The following NAALADL2 variants were observed in gnomAD, a reference collection of about 807,000 sequenced individuals.
The protein encoded by NAALADL2 is inactive N-acetylated-alpha-linked acidic dipeptidase-like protein 2.
A neutral mutation model predicts 87.2 loss-of-function variants in NAALADL2; 76 were observed. That is an observed-to-expected ratio of 0.87 (90% CI 0.72 to 1.05). The LOEUF (loss-of-function observed/expected upper bound fraction) is 1.05. Among genes scored for constraint, NAALADL2 ranks in the 50% least tolerant of loss-of-function variants. The pLI, the probability that NAALADL2 is intolerant of heterozygous loss-of-function variation, is 0.00. For synonymous variants in NAALADL2, 354 were observed against 331.0 expected (o/e 1.07, Z -0.75); for missense variants, 1,089 against 945.8 (o/e 1.15, Z -1.99).
chr3:174,460,671 T>C (rs542802938), intron 1 of NAALADL2, among the ~76,000 whole-genome samples: 9 of 152,158 alleles, frequency 5.9e-5, no homozygotes, highest in South Asian at 2.1e-4. Flanking sequence ...ACAGCTTAAG[T>C]ATTATTTTAA....
At chr3:174,966,095 A>G (rs1199961625) in intron 1 of NAALADL2, among the ~76,000 whole-genome samples, 3 of 152,154 alleles carry the variant, frequency 2.0e-5, no homozygotes, top group Non-Finnish European at 4.4e-5. Context: ...CATTATTACC[A>G]TGTACCTGAA....
intron 5 of NAALADL2, among the ~76,000 whole-genome samples, chr3:175,328,862 G>A (rs1295915006): frequency 1.3e-5 from 2 of 152,112 alleles, no homozygotes; most frequent in Admixed American, 6.5e-5. Flanking sequence ...TAAAAAATAA[G>A]AAAGTAAAAA....
intron 2 of NAALADL2, among the ~76,000 whole-genome samples, chr3:174,634,063 G>A (rs1722402509): frequency 6.6e-6 from 1 of 152,034 alleles, no homozygotes; most frequent in Non-Finnish European, 1.5e-5. Flanking sequence ...CTTATTTTTT[G>A]GTGCCAACAA....
intron 9 of NAALADL2, among the ~76,000 whole-genome samples, chr3:175,544,782 C>T (rs1427897203): frequency 1.3e-5 from 2 of 152,070 alleles, no homozygotes; most frequent in Non-Finnish European, 2.9e-5. Flanking sequence ...CAAGTCGATG[C>T]CACTCTGCCT....
chr3:174,732,513 A>G (rs527747006), intron 2 of NAALADL2, among the ~76,000 whole-genome samples: 1 of 152,272 alleles, frequency 6.6e-6, no homozygotes, highest in African/African-American at 2.4e-5. Context: ...GATATTCTAT[A>G]TATTAACACA....
intron 2 of NAALADL2, among the ~76,000 whole-genome samples, chr3:175,152,974 T>A (rs1731766350): frequency 6.6e-6 from 1 of 152,068 alleles, no homozygotes; most frequent in African/African-American, 2.4e-5. Context: ...AGAGAAGCCA[T>A]GAAACTTTAT....
intron 3 of NAALADL2, among the ~76,000 whole-genome samples, chr3:174,853,868 G>A (rs1725556897): frequency 6.6e-6 from 1 of 152,136 alleles, no homozygotes; most frequent in South Asian, 2.1e-4. Flanking sequence ...TTATTAAAGA[G>A]ACTGACAATA....
chr3:175,273,032 C>A (rs1753085536), intron 4 of NAALADL2, among the ~76,000 whole-genome samples: 1 of 151,934 alleles, frequency 6.6e-6, no homozygotes, highest in Admixed American at 6.6e-5. Context: ...GAGTATTTTT[C>A]ATTGATGTAC....
chr3:175,792,262 T>G (rs1752884322), intron 13 of NAALADL2, among the ~76,000 whole-genome samples: 1 of 152,176 alleles, frequency 6.6e-6, no homozygotes, highest in Non-Finnish European at 1.5e-5. Context: ...ATTTTCAAAG[T>G]TAATATTTAT....
rs1715595133 is a variant in NAALADL2 at position 174,779,051 on chromosome 3, C to T, written c.-9+41305C>T. ...TAGTTCTAGATCCTTGAGGAATTGC[C>T]ACACTGTCTTCCACAATGGTTGAAC... On this transcript the variant is annotated intron_variant, in intron 3 of 3. Coordinates refer to the NAALADL2 transcript ENST00000434257. 2.0e-5 allele frequency among the ~76,000 whole-genome samples: 3 copies of T among 152,186 alleles called. No individual in the cohort carries two copies. In the South Asian group the frequency reaches 6.2e-4, roughly 31 times the overall value.
intron 3 of NAALADL2, among the ~76,000 whole-genome samples, chr3:175,255,812 T>C (rs1414169123): frequency 6.6e-6 from 1 of 152,070 alleles, no homozygotes; most frequent in East Asian, 1.9e-4. Context: ...GTGACAGAAA[T>C]GATAATTTGG....
chr3:175,478,512 G>C (rs1726026647), intron 9 of NAALADL2, among the ~76,000 whole-genome samples: 1 of 151,888 alleles, frequency 6.6e-6, no homozygotes, highest in Admixed American at 6.6e-5. Flanking sequence ...AAGTCTTAGT[G>C]AGATTCTGCT....
intron 5 of NAALADL2, among the ~76,000 whole-genome samples, chr3:175,387,071 T>TA (rs1274689880): frequency 6.6e-6 from 1 of 151,562 alleles, no homozygotes; most frequent in East Asian, 1.9e-4. Context: ...AGTGGGAAAA[T>TA]TTTTTTTTAC....
chr3:174,899,973 T>A (rs1732110569), intron 1 of NAALADL2, among the ~76,000 whole-genome samples: 1 of 152,024 alleles, frequency 6.6e-6, no homozygotes, highest in Non-Finnish European at 1.5e-5. Flanking sequence ...AATAAAAATT[T>A]AAAAAACTCT....
At chr3:175,795,500 C>A in intron 13 of NAALADL2, among the ~76,000 whole-genome samples, 1 of 147,814 alleles carries the variant, frequency 6.8e-6, no homozygotes, top group South Asian at 2.1e-4. Context: ...AGTGAAACCC[C>A]GTCTCTACTA....
At chr3:175,381,942 G>A (rs1163224305) in intron 5 of NAALADL2, among the ~76,000 whole-genome samples, 2 of 152,044 alleles carry the variant, frequency 1.3e-5, no homozygotes, top group South Asian at 2.1e-4. Flanking sequence ...GGTTTTTGGT[G>A]CCCTAGTTTT....
Position 174,966,398 on chromosome 3 carries a change from A to G in NAALADL2, c.43+106948A>G, listed in dbSNP as rs1579767873. ...GGAGGTTGTATGGAAACCTATTGGAATAAGGCATTACCAGATTCACAGAGA... is the reference window on the plus strand; with the variant it reads ...GGAGGTTGTATGGAAACCTATTGGAGTAAGGCATTACCAGATTCACAGAGA... On this transcript the variant is annotated intron_variant, in intron 1 of 13. Coordinates refer to ENST00000454872, the MANE Select transcript of NAALADL2 (RefSeq NM_207015.3). Among the ~76,000 whole-genome samples the G allele has an allele frequency of 2.6e-5, 4 of 152,286 alleles. 1 individual carries two copies. Among genetic ancestry groups the G allele is most frequent in the Admixed American group, 2.6e-4 (4 of 15,282 alleles).
intron 2 of NAALADL2, among the ~76,000 whole-genome samples, chr3:174,579,073 T>G (rs1335632274): frequency 6.6e-6 from 1 of 151,926 alleles, no homozygotes; most frequent in African/African-American, 2.4e-5. Flanking sequence ...CCTTGAATGA[T>G]GGAAATGAAG....
At chr3:175,458,138 C>T (rs565692064) in intron 6 of NAALADL2, among the ~76,000 whole-genome samples, 1 of 152,062 alleles carries the variant, frequency 6.6e-6, no homozygotes, top group East Asian at 1.9e-4. Context: ...TTTTCCTGTG[C>T]CAGCTGTTAT....
Sources: allele counts gnomAD v4.1 joint callset (sites outside exome capture counted in the v4.1 genomes callset), GRCh38; gene constraint gnomAD v4.1.1; transcripts MANE v1.5; gene names NCBI Gene and HGNC (gene_info 2026-07-23, HGNC 2026-07-21).